Variants in RAD51B observed in about 807,000 individuals in gnomAD.
RAD51B encodes the protein RAD51 paralog B.
In RAD51B, 38 loss-of-function variants were observed where a neutral mutation model predicts 42.2. That is an observed-to-expected ratio of 0.90 (90% CI 0.70 to 1.18). The LOEUF (loss-of-function observed/expected upper bound fraction) is 1.18. RAD51B is among the 50% of genes most tolerant of loss of function. RAD51B has a pLI of 0.00. For missense variants in RAD51B, 373 were observed against 400.7 expected (o/e 0.93, Z 0.59); for synonymous variants, 154 against 145.2 (o/e 1.06, Z -0.43).
At chr14:67,891,106 T>C (rs1464575924) in intron 7 of RAD51B, among the ~76,000 whole-genome samples, 1 of 152,132 alleles carries the variant, frequency 6.6e-6, no homozygotes, top group Non-Finnish European at 1.5e-5. Flanking sequence ...ATGAATAATA[T>C]TGAACTTTTT....
chr14:68,333,596 A>G (rs1225608127), intron 8 of RAD51B, among the ~76,000 whole-genome samples: 2 of 152,230 alleles, frequency 1.3e-5, no homozygotes, highest in Admixed American at 6.5e-5. Flanking sequence ...AACAAAGGCT[A>G]TATTTATTTT....
rs181014286 is a variant in RAD51B, at chr14:68,641,827, C to T, written c.1037-8954C>T. ...CCTCCTGCATTGGCTTCCTGAATTG[C>T]TGGGATTATAGGTGTGAGCCACCAT... is the stretch of plus-strand genomic sequence containing the variant. On this transcript the variant is annotated intron_variant, in intron 10 of 11. Coordinates refer to the RAD51B transcript ENST00000488612. 6.0e-5 allele frequency among the ~76,000 whole-genome samples: 9 copies of T among 150,644 alleles called. No individual in the cohort carries two copies. In the East Asian group the frequency reaches 1.8e-3, roughly 29 times the overall value.
intron 7 of RAD51B, among the ~76,000 whole-genome samples, chr14:68,072,917 T>C (rs538795851): frequency 1.2e-4 from 18 of 152,318 alleles, no homozygotes; most frequent in African/African-American, 3.4e-4. Flanking sequence ...AATTTCGGTT[T>C]TTAAAAATTT....
chr14:67,924,172 A>G (rs2044423879), intron 7 of RAD51B, among the ~76,000 whole-genome samples: 1 of 151,812 alleles, frequency 6.6e-6, no homozygotes, highest in African/African-American at 2.4e-5. Flanking sequence ...CTCCTATTTT[A>G]TGGGTTGTCT....
chr14:68,619,665 G>A (rs1213422504), intron 10 of RAD51B, among the ~76,000 whole-genome samples: 2 of 152,096 alleles, frequency 1.3e-5, no homozygotes, highest in Non-Finnish European at 2.9e-5. Context: ...GAGTCAAAGA[G>A]TTGGTGACAG....
At chr14:68,540,544 AAAC>A (rs1887906800) in intron 10 of RAD51B, 1 of 985,250 alleles carries the variant, frequency 1.0e-6, no homozygotes, top group Non-Finnish European at 1.2e-6. Flanking sequence ...TGGGATCATC[AAAC>A]AATAAGTATT....
At chr14:68,192,199 C>T (rs2079281675) in intron 7 of RAD51B, among the ~76,000 whole-genome samples, 1 of 152,126 alleles carries the variant, frequency 6.6e-6, no homozygotes, top group South Asian at 2.1e-4. Context: ...ATGTTATTCA[C>T]TGGTTGAAAT....
At position 68,611,269 on chromosome 14, in the gene RAD51B, G is replaced by A. The variant is rs775470695; in HGVS notation, c.*22G>A. 3.4e-5 allele frequency: 24 copies of A among 701,800 alleles called. 1 individual carries two copies. The highest frequency in any genetic ancestry group is 1.2e-4 in the South Asian group (8 of 67,548). The allele number at this position is 701,800 out of a possible 1,614,324, so 43.5% of individuals were successfully genotyped here. ...GTAACCCAGCCTAGTTTTTCACCACGACTTCCAGATCTACATTTAACATCC... is the reference window on the plus strand; with the variant it reads ...GTAACCCAGCCTAGTTTTTCACCACAACTTCCAGATCTACATTTAACATCC... On this transcript the variant is annotated 3_prime_UTR_variant, in exon 11 of 11. Transcript: ENST00000487861.
intron 7 of RAD51B, among the ~76,000 whole-genome samples, chr14:68,227,950 T>C (rs1765106791): frequency 6.6e-6 from 1 of 152,174 alleles, no homozygotes; most frequent in Non-Finnish European, 1.5e-5. Flanking sequence ...ATAATGATAG[T>C]CATTATGTAT....
At chr14:68,499,719 T>C (rs1173450786) in intron 10 of RAD51B, among the ~76,000 whole-genome samples, 1 of 152,036 alleles carries the variant, frequency 6.6e-6, no homozygotes. Context: ...GCAGTGTGAC[T>C]ACGGAGGCAG....
chr14:68,071,572 G>A (rs2076740180), intron 7 of RAD51B, among the ~76,000 whole-genome samples: 2 of 152,088 alleles, frequency 1.3e-5, no homozygotes, highest in Admixed American at 1.3e-4. Context: ...ATTGATTTGT[G>A]TATGTTAAAC....
At chr14:67,824,547 C>A (rs866577797) in intron 2 of RAD51B, among the ~76,000 whole-genome samples, 1 of 151,930 alleles carries the variant, frequency 6.6e-6, no homozygotes, top group Non-Finnish European at 1.5e-5. Context: ...CATGAGCCAC[C>A]GTGCCTGGCC....
chr14:68,533,199 G>T (rs1057180380), intron 10 of RAD51B, among the ~76,000 whole-genome samples: 3 of 152,150 alleles, frequency 2.0e-5, no homozygotes, highest in Non-Finnish European at 4.4e-5. Context: ...AATAATAAGA[G>T]ATTTCATTGA....
At chr14:68,022,133 T>C (rs2075877792) in intron 7 of RAD51B, among the ~76,000 whole-genome samples, 1 of 152,220 alleles carries the variant, frequency 6.6e-6, no homozygotes, top group Non-Finnish European at 1.5e-5. Context: ...CATGTTTATG[T>C]TCATGTGTAG....
downstream of RAD51B, among the ~76,000 whole-genome samples, chr14:68,613,644 T>A (rs147263258): frequency 2.6e-5 from 4 of 151,934 alleles, 1 homozygote; most frequent in South Asian, 6.2e-4. Context: ...TTAGTAGAGA[T>A]GGGGTTTCAC....
At chr14:68,593,152 G>C (rs1890832837) in intron 10 of RAD51B, among the ~76,000 whole-genome samples, 1 of 152,228 alleles carries the variant, frequency 6.6e-6, no homozygotes, top group Non-Finnish European at 1.5e-5. Context: ...TGGCCTCGAG[G>C]GCAGGGCTCC....
intron 7 of RAD51B, among the ~76,000 whole-genome samples, chr14:68,280,506 C>T (rs966824041): frequency 6.6e-6 from 1 of 152,146 alleles, no homozygotes; most frequent in Non-Finnish European, 1.5e-5. Flanking sequence ...ATCTTTACAA[C>T]CAGGATGATA....
chr14:68,562,598 C>T (rs944590709), intron 10 of RAD51B: 43 of 985,412 alleles, frequency 4.4e-5, no homozygotes, highest in Middle Eastern at 1.0e-3. Flanking sequence ...AGTAATGAGG[C>T]AGCAATATTA....
chr14:68,038,098 C>G (rs1042096100), intron 7 of RAD51B, among the ~76,000 whole-genome samples: 3 of 152,208 alleles, frequency 2.0e-5, no homozygotes, highest in Non-Finnish European at 4.4e-5. Flanking sequence ...TATTTGACAT[C>G]ATAAATGACC....
Sources: gnomAD v4.1 joint callset for allele counts (sites outside exome capture counted in the v4.1 genomes callset) on GRCh38, gnomAD v4.1.1 for gene constraint, MANE v1.5 for transcripts, NCBI Gene and HGNC (gene_info 2026-07-23, HGNC 2026-07-21) for gene names.